NKAIN2: variants seen among roughly 807,000 people sequenced by gnomAD.
The protein encoded by NKAIN2 is sodium/potassium-transporting ATPase subunit beta-1-interacting protein 2.
In NKAIN2, 14 loss-of-function variants were observed where a neutral mutation model predicts 32.6. The ratio of observed to expected loss-of-function variants is 0.43; its 90% CI spans 0.28 to 0.67. The LOEUF is 0.67. NKAIN2 is among the 30% of genes least tolerant of loss of function. The pLI is 0.17. For missense variants in NKAIN2, 198 were observed against 258.3 expected (o/e 0.77, Z 1.60); for synonymous variants, 80 against 87.2 (o/e 0.92, Z 0.46).
At chr6:124,345,292 C>A (rs1312763671) in intron 2 of NKAIN2, among the ~76,000 whole-genome samples, 1 of 152,036 alleles carries the variant, frequency 6.6e-6, no homozygotes, top group African/African-American at 2.4e-5. Context: ...GTCTAAAATT[C>A]TCTTTTTTGG....
rs541377332 is a variant in NKAIN2 at position 124,758,256 on chromosome 6, G to A, written c.475-33083G>A. On this transcript the variant is annotated intron_variant, in intron 4 of 6. Coordinates refer to ENST00000368417, the MANE Select transcript of NKAIN2 (RefSeq NM_001040214.3). ...GCTGTAGAACTCAATGTTTGCTTGT[G>A]TCTCCTCAAAACTCATATGTTAAAA... is the stretch of plus-strand genomic sequence containing the variant. Among the ~76,000 whole-genome samples, 4 of 152,136 alleles carry A rather than the reference G, an allele frequency of 2.6e-5. No homozygotes were observed. The East Asian group carries it at 7.8e-4, about 30-fold the overall frequency.
chr6:124,721,328 C>T (rs921756876), intron 4 of NKAIN2, among the ~76,000 whole-genome samples: 77 of 150,502 alleles, frequency 5.1e-4, no homozygotes, highest in Admixed American at 6.6e-4. Flanking sequence ...GGCGTGAACC[C>T]GGAAGGCGGA....
chr6:124,246,361 G>A (rs1214024111), intron 1 of NKAIN2, among the ~76,000 whole-genome samples: 2 of 151,948 alleles, frequency 1.3e-5, no homozygotes, highest in African/African-American at 4.8e-5. Flanking sequence ...CACCCAACTT[G>A]ACTCACATCA....
At chr6:124,201,191 T>A (rs1790571751) in intron 1 of NKAIN2, among the ~76,000 whole-genome samples, 1 of 152,094 alleles carries the variant, frequency 6.6e-6, no homozygotes, top group African/African-American at 2.4e-5. Context: ...GCATCTGATT[T>A]TCTCTAAGAC....
At chr6:124,794,984 C>A (rs1462284552) in intron 5 of NKAIN2, 2 of 202,962 alleles carry the variant, frequency 9.9e-6, no homozygotes, top group Non-Finnish European at 1.7e-5. Flanking sequence ...CACTCTCAAG[C>A]AAACCCTGAA....
At chr6:124,158,830 A>G (rs1452183339) in intron 1 of NKAIN2, among the ~76,000 whole-genome samples, 1 of 151,942 alleles carries the variant, frequency 6.6e-6, no homozygotes, top group Middle Eastern at 3.2e-3. Context: ...ATCAGATACA[A>G]TTGTAGGAGC....
chr6:124,477,466 C>G (rs148635403), intron 3 of NKAIN2, among the ~76,000 whole-genome samples: 2 of 152,068 alleles, frequency 1.3e-5, no homozygotes, highest in Non-Finnish European at 2.9e-5. Flanking sequence ...CTTTGTGTCA[C>G]CTGTGAGAAC....
chr6:124,028,902 T>TG (rs1562317483), intron 1 of NKAIN2, among the ~76,000 whole-genome samples: 9 of 81,296 alleles, frequency 1.1e-4, no homozygotes, highest in Non-Finnish European at 1.7e-4. Flanking sequence ...TATATATATA[T>TG]ACACATATAT....
chr6:124,793,039 C>T (rs1779813339), intron 5 of NKAIN2, among the ~76,000 whole-genome samples: 1 of 151,946 alleles, frequency 6.6e-6, no homozygotes, highest in Non-Finnish European at 1.5e-5. Context: ...AGTTAAGACA[C>T]CATGAAAGTG....
intron 2 of NKAIN2, among the ~76,000 whole-genome samples, chr6:124,329,607 A>G (rs1448385279): frequency 3.3e-5 from 5 of 152,184 alleles, no homozygotes; most frequent in Non-Finnish European, 7.3e-5. Context: ...GGATCCACAC[A>G]TTCTACCTAT....
intron 1 of NKAIN2, among the ~76,000 whole-genome samples, chr6:124,242,730 G>A (rs1030435604): frequency 9.9e-5 from 15 of 152,138 alleles, no homozygotes; most frequent in East Asian, 5.8e-4. Context: ...GGATGAGTTC[G>A]TGTCCTTTGC....
intron 2 of NKAIN2, among the ~76,000 whole-genome samples, chr6:124,351,872 C>T (rs1373549907): frequency 2.0e-5 from 3 of 152,094 alleles, no homozygotes; most frequent in Non-Finnish European, 4.4e-5. Context: ...CCACCCACCT[C>T]GGCCTCCCAA....
At chr6:124,694,180 G>A (rs1468990934) in intron 4 of NKAIN2, among the ~76,000 whole-genome samples, 2 of 146,924 alleles carry the variant, frequency 1.4e-5, no homozygotes, top group Non-Finnish European at 3.0e-5. Context: ...TATTTACTGA[G>A]CATTATCTTT....
intron 1 of NKAIN2, among the ~76,000 whole-genome samples, chr6:123,812,867 G>A (rs982154543): frequency 6.6e-6 from 1 of 152,224 alleles, no homozygotes; most frequent in Non-Finnish European, 1.5e-5. Context: ...GTTTGAAATG[G>A]AGGAATCAAA....
intron 5 of NKAIN2, among the ~76,000 whole-genome samples, chr6:124,808,118 T>G (rs1197679189): frequency 6.8e-6 from 1 of 147,532 alleles, no homozygotes; most frequent in Non-Finnish European, 1.5e-5. Context: ...GAGGGAATCC[T>G]CCCTAACTCA....
At chr6:124,049,257 A>G (rs1402621787) in intron 1 of NKAIN2, among the ~76,000 whole-genome samples, 1 of 152,060 alleles carries the variant, frequency 6.6e-6, no homozygotes, top group Non-Finnish European at 1.5e-5. Flanking sequence ...AGTGATAAAA[A>G]TAAATACTAA....
intron 3 of NKAIN2, among the ~76,000 whole-genome samples, chr6:124,575,310 G>T (rs1781289396): frequency 6.6e-6 from 1 of 152,102 alleles, no homozygotes; most frequent in South Asian, 2.1e-4. Flanking sequence ...GTTATTTCAG[G>T]TATGGACAAT....
chr6:124,486,842 C>G (rs1777671500), intron 3 of NKAIN2, among the ~76,000 whole-genome samples: 1 of 152,072 alleles, frequency 6.6e-6, no homozygotes, highest in Non-Finnish European at 1.5e-5. Flanking sequence ...TGCCCGTTCC[C>G]TGAATCTACC....
rs571962083 is a variant in NKAIN2, at chr6:124,159,922, C to T, written c.55-123083C>T. ...GCCTTGGTGATGGGAGAAAAATATT[C>T]GATGTTCTACAGCCAGCCAGTGTTT... On this transcript the variant is annotated intron_variant, in intron 1 of 6. Transcript: ENST00000368417. 2.6e-4 allele frequency among the ~76,000 whole-genome samples: 39 copies of T among 152,270 alleles called. No individual in the cohort carries two copies. In the South Asian group the frequency reaches 6.6e-3, roughly 26 times the overall value.
Sources: allele counts gnomAD v4.1 joint callset (sites outside exome capture counted in the v4.1 genomes callset), GRCh38; gene constraint gnomAD v4.1.1; transcripts MANE v1.5; gene names NCBI Gene and HGNC (gene_info 2026-07-23, HGNC 2026-07-21).